AMBRA1: variants seen among roughly 807,000 people sequenced by gnomAD.
AMBRA1 encodes autophagy and beclin 1 regulator 1.
A neutral mutation model predicts 125.4 loss-of-function variants in AMBRA1; 47 were observed. The observed-to-expected ratio is 0.37, with a 90% CI of 0.30 to 0.48. AMBRA1 has a LOEUF of 0.48. Ranked by LOEUF, AMBRA1 falls within the 20% of genes least tolerant of loss-of-function variation. The probability of loss-of-function intolerance (pLI) is 0.99; values close to 1 mark genes in which losing one functional copy is unlikely to be tolerated. For missense variants in AMBRA1, 1,331 were observed against 1,693.4 expected (o/e 0.79, Z 3.76); for synonymous variants, 626 against 655.5 (o/e 0.95, Z 0.69).
chr11:46,589,534 TAGAAAA>T lies in AMBRA1; in HGVS notation c.-121+4288_-121+4293del, dbSNP rs1354368247. On this transcript the variant is annotated intron_variant, in intron 1 of 17. Coordinates refer to ENST00000683756, the MANE Select transcript of AMBRA1 (RefSeq NM_001387011.1). ...ACTCTACCAAGGCTGAGGCATATCT[TAGAAAA>T]AGACACCTCTCTGTGCTAACAACAA... 7.9e-5 allele frequency among the ~76,000 whole-genome samples: 12 copies of T among 152,280 alleles called. No homozygotes were observed. In the East Asian group the frequency reaches 2.3e-3, roughly 29 times the overall value.
intron 15 of AMBRA1, among the ~76,000 whole-genome samples, chr11:46,413,997 C>T (rs1008892940): frequency 6.6e-6 from 1 of 152,152 alleles, no homozygotes; most frequent in African/African-American, 2.4e-5. Flanking sequence ...AGTGGGCTTC[C>T]ACCTCACACC....
At chr11:46,513,069 A>G (rs962725781) in intron 7 of AMBRA1, among the ~76,000 whole-genome samples, 2 of 152,218 alleles carry the variant, frequency 1.3e-5, no homozygotes, top group African/African-American at 4.8e-5. Context: ...CAAGTGCTTC[A>G]GAGACATGAT....
intron 1 of AMBRA1, among the ~76,000 whole-genome samples, chr11:46,575,463 A>G (rs1293606228): frequency 6.6e-6 from 1 of 151,632 alleles, no homozygotes; most frequent in African/African-American, 2.4e-5. Context: ...GTCTAAAAAA[A>G]AAAAAAACTA....
At chr11:46,569,050 A>T (rs934903010) in intron 1 of AMBRA1, among the ~76,000 whole-genome samples, 12 of 151,508 alleles carry the variant, frequency 7.9e-5, no homozygotes, top group African/African-American at 2.7e-4. Context: ...CAGGCGATCC[A>T]CCTGCCTTGG....
chr11:46,435,979 C>T (rs1224891258), intron 12 of AMBRA1, among the ~76,000 whole-genome samples: 1 of 152,070 alleles, frequency 6.6e-6, no homozygotes, highest in Non-Finnish European at 1.5e-5. Context: ...CAAGAGTGCC[C>T]ACATCATGGG....
At chr11:46,583,652 C>CAAAAAAAA (rs1398623719) in intron 1 of AMBRA1, among the ~76,000 whole-genome samples, 417 of 12,322 alleles carry the variant, frequency 0.034, 41 homozygotes, top group Non-Finnish European at 0.047. Flanking sequence ...AACAAATTTC[C>CAAAAAAAA]AAAAAAAAAA....
intron 6 of AMBRA1, 70 bp downstream of exon 6, chr11:46,543,905 C>T: frequency 8.1e-7 from 1 of 1,231,050 alleles, no homozygotes; most frequent in Admixed American, 1.9e-5. Flanking sequence ...CCAATATAAT[C>T]AGAATTGGAA....
intron 7 of AMBRA1, among the ~76,000 whole-genome samples, chr11:46,533,756 A>G (rs1415021775): frequency 2.0e-5 from 3 of 152,054 alleles, no homozygotes; most frequent in Non-Finnish European, 2.9e-5. Context: ...AGATCATGCT[A>G]CTCCACTTCT....
chr11:46,468,942 G>A (rs1334992295), intron 11 of AMBRA1, among the ~76,000 whole-genome samples: 1 of 152,036 alleles, frequency 6.6e-6, no homozygotes, highest in Non-Finnish European at 1.5e-5. Context: ...TCAGGAATTC[G>A]AGACCAGCCT....
chr11:46,459,802 A>C (rs1486206003), intron 11 of AMBRA1, among the ~76,000 whole-genome samples: 1 of 152,096 alleles, frequency 6.6e-6, no homozygotes, highest in African/African-American at 2.4e-5. Context: ...GAAGTAAAAA[A>C]TATATACATT....
chr11:46,573,199 G>A (rs2043827875), intron 1 of AMBRA1, among the ~76,000 whole-genome samples: 1 of 151,754 alleles, frequency 6.6e-6, no homozygotes, highest in African/African-American at 2.4e-5. Flanking sequence ...GAGGTCAGGA[G>A]TTCAAGACCA....
chr11:46,458,442 A>G (rs1314173356), intron 11 of AMBRA1, among the ~76,000 whole-genome samples: 4 of 152,170 alleles, frequency 2.6e-5, no homozygotes, highest in Non-Finnish European at 4.4e-5. Context: ...TTACCTGACT[A>G]CAAGTACATA....
chr11:46,411,931 C>A (rs1299212140), intron 15 of AMBRA1, among the ~76,000 whole-genome samples: 1 of 152,076 alleles, frequency 6.6e-6, no homozygotes, highest in Non-Finnish European at 1.5e-5. Context: ...CGGCCCAAAT[C>A]TGTCTTTTAG....
rs117376578 is a variant in AMBRA1, at chr11:46,579,729, T to C, written c.-121+14099A>G. Among the ~76,000 whole-genome samples the C allele has an allele frequency of 2.4e-3, 360 of 152,286 alleles. 10 individuals carry two copies. In the East Asian group the frequency reaches 0.064, roughly 27 times the overall value. On this transcript the variant is annotated intron_variant, in intron 1 of 17. Coordinates refer to ENST00000683756, the MANE Select transcript of AMBRA1 (RefSeq NM_001387011.1). Reference sequence around the variant, plus strand: ...CAGACATGTTTTGTTTTGTTTTGTTTTGAGATGGATTCTTGTTCTGTCACC... The same window carrying C: ...CAGACATGTTTTGTTTTGTTTTGTTCTGAGATGGATTCTTGTTCTGTCACC...
At chr11:46,539,287 G>A (rs1376194113) in intron 7 of AMBRA1, among the ~76,000 whole-genome samples, 1 of 152,202 alleles carries the variant, frequency 6.6e-6, no homozygotes, top group Non-Finnish European at 1.5e-5. Flanking sequence ...GCCAGGCGCA[G>A]TGGCTCACAC....
At chr11:46,554,836 C>A (rs1263508885) in intron 1 of AMBRA1, among the ~76,000 whole-genome samples, 1 of 152,080 alleles carries the variant, frequency 6.6e-6, no homozygotes, top group African/African-American at 2.4e-5. Context: ...CAAAGGTTAC[C>A]AACAATAGTC....
intron 7 of AMBRA1, among the ~76,000 whole-genome samples, chr11:46,526,442 T>G (rs1951977156): frequency 6.6e-6 from 1 of 151,584 alleles, no homozygotes; most frequent in Non-Finnish European, 1.5e-5. Context: ...GGCTTCTGTT[T>G]CCTTCCTTTT....
In AMBRA1 at chr11:46,512,833, T is replaced by C; in HGVS notation, c.2073-20A>G. The C allele has an allele frequency of 1.2e-6, 2 of 1,601,204 alleles. No individual in the cohort carries two copies. Among genetic ancestry groups the C allele is most frequent in the Non-Finnish European group, 1.7e-6 (2 of 1,172,296 alleles). ...AGCCTCCTAGCAGAGATTAAAAAAA[T>C]GGCAATAATCCCTGTCAATTACCAA... On this transcript the variant is annotated intron_variant, in intron 7 of 17. Coordinates refer to ENST00000683756, the MANE Select transcript of AMBRA1 (RefSeq NM_001387011.1).
At position 46,573,914 on chromosome 11, in the gene AMBRA1, T is replaced by C. The variant is rs545656566; in HGVS notation, c.-121+19914A>G. Among the ~76,000 whole-genome samples, 659 of 144,064 alleles carry C rather than the reference T, an allele frequency of 4.6e-3. 3 individuals are homozygous for C. Among genetic ancestry groups the C allele is most frequent in the Non-Finnish European group, 7.1e-3 (471 of 66,136 alleles). The allele number at this position is 144,064 out of a possible 152,430, so 94.5% of individuals were successfully genotyped here. A position where few individuals can be genotyped will look rare whatever the true frequency, so the allele number is the denominator to read the frequency against. On this transcript the variant is annotated intron_variant, in intron 1 of 17. Transcript: ENST00000683756. ...CCCACCTATGAGTGAGAATATGCGG[T>C]GTTTGGTTTTTTGTTCTTGCGATAG... is the stretch of plus-strand genomic sequence containing the variant.
Sources: gnomAD v4.1 joint callset for allele counts (sites outside exome capture counted in the v4.1 genomes callset) on GRCh38, gnomAD v4.1.1 for gene constraint, MANE v1.5 for transcripts, NCBI Gene and HGNC (gene_info 2026-07-23, HGNC 2026-07-21) for gene names.